Variants in TLE2 observed in about 807,000 individuals in gnomAD.
The protein encoded by TLE2 is TLE family member 2, transcriptional corepressor.
A neutral mutation model predicts 97.2 loss-of-function variants in TLE2; 74 were observed. The ratio of observed to expected loss-of-function variants is 0.76; its 90% CI spans 0.63 to 0.92. The LOEUF (loss-of-function observed/expected upper bound fraction) is 0.92, where lower values mean the gene tolerates loss of function less well. Ranked by LOEUF, TLE2 falls within the 40% of genes least tolerant of loss-of-function variation. The pLI is 0.00. For synonymous variants in TLE2, 499 were observed against 432.1 expected, an observed-to-expected ratio of 1.15 and a Z score of -1.92; for missense variants, 1,038 against 1,008.7, an observed-to-expected ratio of 1.03 and a Z score of -0.39.
intron 4 of TLE2, among the ~76,000 whole-genome samples, chr19:3,026,987 A>G (rs35739361): frequency 0.098 from 14,703 of 150,192 alleles, 815 homozygotes; most frequent in African/African-American, 0.15. Context: ...CTATCTCAGA[A>G]CCCTGAGGTC....
chr19:3,010,989 C>G, intron 12 of TLE2, 33 bp downstream of exon 12: 1 of 1,588,216 alleles, frequency 6.3e-7, no homozygotes, highest in East Asian at 2.3e-5. Context: ...ACGAGGCCTG[C>G]TCCAGACAGG....
At position 3,029,204 on chromosome 19, in the gene TLE2, G is replaced by T. The variant is rs1431497227; in HGVS notation, c.-300C>A. 1.9e-6 allele frequency: 1 copy of T among 521,004 alleles called. No individual in the cohort carries two copies. 32.3% of individuals were successfully genotyped at this position (521,004 alleles called of 1,614,324 possible). ...GCAGCCGGCGCAGAAGGTCGGGCGCGCCGCGGCCGGGTTTCGGTGGCGGCG... is the reference window on the plus strand; with the variant it reads ...GCAGCCGGCGCAGAAGGTCGGGCGCTCCGCGGCCGGGTTTCGGTGGCGGCG... On this transcript the variant is annotated 5_prime_UTR_variant, in exon 1 of 20. Transcript: ENST00000262953.
Position 3,005,767 on chromosome 19 carries a change from C to T in TLE2, c.1702G>A (p.Asp568Asn), listed in dbSNP as rs747554993. 5 of 1,613,932 alleles carry T rather than the reference C, an allele frequency of 3.1e-6. No individual in the cohort carries two copies. The highest frequency in any genetic ancestry group is 2.2e-5 in the East Asian group (1 of 44,872). ...AGGTCCCAGACCACAATGTTGCCAT[C>T]GCTGCAGCAGGAGAAGCAAACCTTG... is the stretch of plus-strand genomic sequence containing the variant. ...DAKVCFSCCS[D>N]GNIVVWDLQN... is the part of the protein sequence containing the mutation. Residue 568 changes from aspartate (D) to asparagine (N), a missense_variant, in exon 16 of 20, where the codon GAT becomes AAT. By Grantham distance (23) the Asp-to-Asn change is conservative (BLOSUM62 1). Transcript: ENST00000262953.
chr19:3,045,391 G>A (rs1041340230), intron 1 of TLE2, among the ~76,000 whole-genome samples: 7 of 152,136 alleles, frequency 4.6e-5, no homozygotes, highest in African/African-American at 1.4e-4. Flanking sequence ...GGCAGGGGTC[G>A]TGAGCCTCCA....
At chr19:2,999,822 C>T (rs1466558534) in intron 19 of TLE2, among the ~76,000 whole-genome samples, 1 of 150,588 alleles carries the variant, frequency 6.6e-6, no homozygotes, top group Non-Finnish European at 1.5e-5. Context: ...CACCTGAGGT[C>T]AGGAGTTTGA....
chr19:3,017,200 C>T lies in TLE2; in HGVS notation c.570+640G>A, dbSNP rs1032567737. Among the ~76,000 whole-genome samples the T allele has an allele frequency of 1.3e-4, 20 of 151,522 alleles. 1 individual carries two copies. Among genetic ancestry groups the T allele is most frequent in the Admixed American group, 9.2e-4 (14 of 15,176 alleles). ...TCGCACAGGCTGGAGTGCGGTGGTG[C>T]AATCTCGGCTCACTGCAACCTCTGT... On this transcript the variant is annotated intron_variant, in intron 8 of 19. Transcript: ENST00000262953.
intron 14 of TLE2, among the ~76,000 whole-genome samples, chr19:3,008,236 T>C (rs1355558394): frequency 1.3e-5 from 2 of 152,156 alleles, no homozygotes; most frequent in African/African-American, 4.8e-5. Flanking sequence ...GTGGACACTG[T>C]GGCCAGATCT....
intron 19 of TLE2, among the ~76,000 whole-genome samples, chr19:3,000,134 C>G (rs919298822): frequency 6.6e-6 from 1 of 151,378 alleles, no homozygotes; most frequent in Admixed American, 6.6e-5. Flanking sequence ...TGCAGTGGTG[C>G]GATCTCAGCT....
At chr19:3,024,229 C>T (rs1379742267) in intron 5 of TLE2, among the ~76,000 whole-genome samples, 1 of 151,684 alleles carries the variant, frequency 6.6e-6, no homozygotes, top group Non-Finnish European at 1.5e-5. Context: ...TGGTCTCGAA[C>T]TCCTGACCTC....
At chr19:3,043,277 G>A (rs1408226144) in intron 1 of TLE2, among the ~76,000 whole-genome samples, 3 of 151,206 alleles carry the variant, frequency 2.0e-5, no homozygotes, top group Admixed American at 6.6e-5. Context: ...TACCATGCCC[G>A]GCCTGGCCTC....
chr19:3,044,216 G>A (rs1413028466), intron 1 of TLE2, among the ~76,000 whole-genome samples: 1 of 151,830 alleles, frequency 6.6e-6, no homozygotes, highest in African/African-American at 2.4e-5. Flanking sequence ...GTGGCACAGG[G>A]GCCTCCTCGT....
At position 3,013,776 on chromosome 19, in the gene TLE2, C is replaced by T. The variant is rs749850872; in HGVS notation, c.766G>A (p.Gly256Arg). Residue 256 changes from glycine to arginine, a missense_variant, in exon 11 of 20, where the codon GGA becomes AGA. Gly to Arg is a moderately radical substitution (Grantham distance 125). Transcript: ENST00000262953. ...GCAGGAATGCAGATGGGTACCTTTC[C>T]GCAGGGGGTGGTAGCCGGGCTGGGG... ...EPPSPATTPC[G>R]KVPICIPARR... 44 of 1,558,648 alleles carry T rather than the reference C, an allele frequency of 2.8e-5. 1 individual carries two copies. Among genetic ancestry groups the T allele is most frequent in the Admixed American group, 2.3e-4 (12 of 51,784 alleles).
At chr19:3,029,561 G>GC (rs2090004886), upstream of TLE2, 1 of 812,914 alleles carries the variant, frequency 1.2e-6, no homozygotes, top group African/African-American at 2.0e-5. Context: ...GTGGGAGCGG[G>GC]GGGGGGGGCT....
At chr19:3,030,049 C>A (rs537033257), upstream of TLE2, among the ~76,000 whole-genome samples, 51 of 152,330 alleles carry the variant, frequency 3.3e-4, no homozygotes, top group South Asian at 0.01. Context: ...TCAAGCCTCT[C>A]TCTTCGGCCT....
chr19:3,017,920 C>T lies in TLE2; in HGVS notation c.551-61G>A, dbSNP rs138636484. The stretch of plus-strand genomic sequence containing the variant: ...AGAAAGAATGAGGCGTTTGTATCCA[C>T]GGCGCCAGAGGGTACAGCCCTCCAG... On this transcript the variant is annotated intron_variant, in intron 7 of 19. Transcript: ENST00000262953. The T allele has an allele frequency of 2.0e-4, 305 of 1,556,034 alleles. No individual in the cohort carries two copies. The East Asian group carries it at 5.6e-3, about 29-fold the overall frequency.
At chr19:2,999,165 C>A (rs1568228098) in intron 19 of TLE2, among the ~76,000 whole-genome samples, 1 of 151,874 alleles carries the variant, frequency 6.6e-6, no homozygotes, top group Non-Finnish European at 1.5e-5. Flanking sequence ...ACATGTAATG[C>A]CAGTTACTTG....
Position 3,002,442 on chromosome 19 carries a change from T to C in TLE2, c.1958A>G (p.Asn653Ser), listed in dbSNP as rs1235624147. ...CTTGCGGACGTGCAGGATCTCCACG[T>C]TGCTACTCTCCATTCCGACCGCCAG... ...DWLAVGMESS[N>S]VEILHVRKPE... The change falls in exon 18 of 20, where the codon AAC becomes AGC. Residue 653 changes from asparagine (N) to serine (S), a missense_variant. Coordinates refer to ENST00000262953, the MANE Select transcript of TLE2 (RefSeq NM_003260.5). 1.2e-6 allele frequency: 2 copies of C among 1,611,642 alleles called. No individual in the cohort carries two copies. Among genetic ancestry groups the C allele is most frequent in the Non-Finnish European group, 1.7e-6 (2 of 1,179,034 alleles).
intron 18 of TLE2, among the ~76,000 whole-genome samples, chr19:3,001,791 CTTTT>C (rs562875053): frequency 9.9e-5 from 11 of 111,424 alleles, no homozygotes; most frequent in East Asian, 2.6e-4. Context: ...TCTTTTCTTT[CTTTT>C]TTTTTTTTTT....
chr19:3,013,988 AT>A (rs35309457), intron 10 of TLE2, among the ~76,000 whole-genome samples, 170 bp from the exon 11 acceptor site: 76,102 of 145,664 alleles, frequency 0.52, 20,431 homozygotes, highest in East Asian at 0.66. Flanking sequence ...TGTAAAATGT[AT>A]TTTTTTTTTT....
Sources: allele counts gnomAD v4.1 joint callset (sites outside exome capture counted in the v4.1 genomes callset), GRCh38; gene constraint gnomAD v4.1.1; transcripts MANE v1.5; gene names NCBI Gene and HGNC (gene_info 2026-07-23, HGNC 2026-07-21).